Variants in GRIK2 observed in about 807,000 individuals in gnomAD.
GRIK2 encodes glutamate receptor ionotropic, kainate 2.
GRIK2 carries 32 observed loss-of-function variants against 100.3 expected under a neutral mutation model. That is an observed-to-expected ratio of 0.32 (90% CI 0.24 to 0.43). The LOEUF is 0.43. Ranked by LOEUF, GRIK2 falls within the 20% of genes least tolerant of loss-of-function variation. The pLI, the probability that GRIK2 is intolerant of heterozygous loss-of-function variation, is 1.00. For missense variants in GRIK2, 843 were observed against 1,114.9 expected, an observed-to-expected ratio of 0.76 and a Z score of 3.47; for synonymous variants, 417 against 389.4, an observed-to-expected ratio of 1.07 and a Z score of -0.83.
chr6:101,595,641 CATAT>C (rs953213142), intron 2 of GRIK2, among the ~76,000 whole-genome samples: 7 of 149,416 alleles, frequency 4.7e-5, no homozygotes, highest in Admixed American at 2.7e-4. Flanking sequence ...CACACACAGA[CATAT>C]ATATAAACAC....
rs1408793437 is a variant in GRIK2, at chr6:101,506,454, A to G, written c.115+107062A>G. On this transcript the variant is annotated intron_variant, in intron 2 of 16. Transcript: ENST00000369134. ...TAATTTAAATGGTTTTTAAAATGGT[A>G]AAAGTATGGATATTTCTAAATATAT... 2.6e-5 allele frequency among the ~76,000 whole-genome samples: 4 copies of G among 152,272 alleles called. No individual in the cohort carries two copies. In the East Asian group the frequency reaches 5.8e-4, roughly 22 times the overall value.
intron 11 of GRIK2, among the ~76,000 whole-genome samples, chr6:101,887,072 C>T (rs1286021023): frequency 1.3e-5 from 2 of 151,900 alleles, no homozygotes; most frequent in African/African-American, 4.8e-5. Flanking sequence ...TCATGATCAG[C>T]TCACCTCAGC....
At chr6:101,782,498 A>C (rs750145629) in intron 7 of GRIK2, among the ~76,000 whole-genome samples, 7 of 151,848 alleles carry the variant, frequency 4.6e-5, no homozygotes, top group Admixed American at 2.6e-4. Flanking sequence ...TACCATAATG[A>C]CCTCCAATTC....
At chr6:101,597,329 A>G (rs920309358) in intron 2 of GRIK2, among the ~76,000 whole-genome samples, 1 of 151,792 alleles carries the variant, frequency 6.6e-6, no homozygotes, top group African/African-American at 2.4e-5. Flanking sequence ...ACATCATGCA[A>G]TATACCCTTG....
At chr6:101,987,654 G>A (rs1035530233) in intron 14 of GRIK2, among the ~76,000 whole-genome samples, 4 of 149,566 alleles carry the variant, frequency 2.7e-5, no homozygotes, top group Non-Finnish European at 5.9e-5. Context: ...TAATATATAA[G>A]TATATAGTTA....
intron 2 of GRIK2, among the ~76,000 whole-genome samples, chr6:101,526,216 T>C (rs1775148138): frequency 1.3e-5 from 2 of 152,308 alleles, no homozygotes; most frequent in Non-Finnish European, 1.5e-5. Flanking sequence ...TCATTATTAA[T>C]ATTATTAATA....
intron 7 of GRIK2, among the ~76,000 whole-genome samples, chr6:101,693,870 G>A (rs1311838362): frequency 6.6e-6 from 1 of 151,884 alleles, no homozygotes; most frequent in African/African-American, 2.4e-5. Flanking sequence ...CCAACAAGTG[G>A]CATATTTTGG....
At chr6:101,601,789 A>G (rs1034406159) in intron 2 of GRIK2, among the ~76,000 whole-genome samples, 4 of 151,612 alleles carry the variant, frequency 2.6e-5, no homozygotes, top group Admixed American at 2.6e-4. Flanking sequence ...CACCTTCGAC[A>G]TTTCTGATGA....
intron 14 of GRIK2, among the ~76,000 whole-genome samples, chr6:102,017,676 T>C (rs1769191050): frequency 6.6e-6 from 1 of 152,132 alleles, no homozygotes; most frequent in South Asian, 2.1e-4. Context: ...TTATATATTT[T>C]ATAGTTTTCC....
At chr6:101,866,900 T>TTGTGTG (rs60775585) in intron 11 of GRIK2, among the ~76,000 whole-genome samples, 3,464 of 149,414 alleles carry the variant, frequency 0.023, 158 homozygotes, top group African/African-American at 0.08. Flanking sequence ...CTTAATTTCA[T>TTGTGTG]TGTGTGTGTG....
chr6:101,998,812 C>CTTTTTTTTTT (rs755522043), intron 14 of GRIK2, among the ~76,000 whole-genome samples: 12 of 110,062 alleles, frequency 1.1e-4, no homozygotes, highest in Non-Finnish European at 1.4e-4. Flanking sequence ...TTTTTCTTTT[C>CTTTTTTTTTT]TTTTTTTTTT....
intron 14 of GRIK2, among the ~76,000 whole-genome samples, chr6:102,005,935 C>T (rs1795196679): frequency 6.6e-6 from 1 of 152,056 alleles, no homozygotes; most frequent in African/African-American, 2.4e-5. Flanking sequence ...CTCTCTTCTG[C>T]ATGCACACGT....
chr6:101,481,143 G>A (rs1562168417), intron 2 of GRIK2, among the ~76,000 whole-genome samples: 1 of 152,192 alleles, frequency 6.6e-6, no homozygotes, highest in Non-Finnish European at 1.5e-5. Context: ...TAGTGTAACT[G>A]AGGCCATATA....
intron 9 of GRIK2, among the ~76,000 whole-genome samples, chr6:101,806,103 C>G (rs565111319): frequency 2.0e-5 from 3 of 152,016 alleles, no homozygotes; most frequent in African/African-American, 7.2e-5. Context: ...TGCAAACAAG[C>G]TCTCTGGGAC....
intron 1 of GRIK2, among the ~76,000 whole-genome samples, chr6:101,395,448 G>A (rs1050444675): frequency 2.3e-4 from 35 of 152,108 alleles, no homozygotes; most frequent in African/African-American, 8.2e-4. Flanking sequence ...TTGTTCTGGG[G>A]TATGTATTTG....
rs368537578 is a variant in GRIK2 at position 101,880,890 on chromosome 6, AAAG to A, written c.1525-8748_1525-8746del. Among the ~76,000 whole-genome samples, 147 of 152,112 alleles carry A rather than the reference AAAG, an allele frequency of 9.7e-4. 5 individuals are homozygous for A. The South Asian group carries it at 0.029, about 30-fold the overall frequency. On this transcript the variant is annotated intron_variant, in intron 11 of 16. Coordinates refer to ENST00000369134, the MANE Select transcript of GRIK2 (RefSeq NM_021956.5). ...TGTTTCAATTAAAATATATTTATAAAAAGAGAGCTTAGTTTTCCTTGTCCTCAA... is the reference window on the plus strand; with the variant it reads ...TGTTTCAATTAAAATATATTTATAAAAGAGCTTAGTTTTCCTTGTCCTCAA...
chr6:101,647,915 T>G (rs974341134), intron 4 of GRIK2, among the ~76,000 whole-genome samples: 22 of 152,014 alleles, frequency 1.4e-4, no homozygotes, highest in Admixed American at 1.4e-3. Flanking sequence ...TTTATCAACC[T>G]TGGTGCTGTT....
chr6:101,419,027 A>G (rs1009601684), intron 2 of GRIK2, among the ~76,000 whole-genome samples: 4 of 152,134 alleles, frequency 2.6e-5, no homozygotes, highest in African/African-American at 9.7e-5. Context: ...AACTCTGCCA[A>G]AATAGGAAAG....
intron 2 of GRIK2, among the ~76,000 whole-genome samples, chr6:101,442,131 G>A (rs1770104872): frequency 6.6e-6 from 1 of 152,078 alleles, no homozygotes; most frequent in South Asian, 2.1e-4. Context: ...CCCCGGCTTT[G>A]GCCACAGATG....
Sources: gnomAD v4.1 joint callset for allele counts (sites outside exome capture counted in the v4.1 genomes callset) on GRCh38, gnomAD v4.1.1 for gene constraint, MANE v1.5 for transcripts, NCBI Gene and HGNC (gene_info 2026-07-23, HGNC 2026-07-21) for gene names.